SLC24A3: variants seen among roughly 807,000 people sequenced by gnomAD.
SLC24A3 encodes solute carrier family 24 member 3, also known as sodium/potassium/calcium exchanger 3.
In SLC24A3, 28 loss-of-function variants were observed where a neutral mutation model predicts 75.8. The ratio of observed to expected loss-of-function variants is 0.37; its 90% confidence interval spans 0.27 to 0.51. SLC24A3 has a LOEUF of 0.51. Among genes scored for constraint, SLC24A3 ranks in the 20% least tolerant of loss-of-function variants. The pLI, the probability that SLC24A3 is intolerant of heterozygous loss-of-function variation, is 0.94. For synonymous variants in SLC24A3, 372 were observed against 334.1 expected (o/e 1.11, Z -1.24); for missense variants, 663 against 847.8 (o/e 0.78, Z 2.71).
At chr20:19,594,210 G>A (rs942991) in intron 6 of SLC24A3, among the ~76,000 whole-genome samples, 150,304 of 152,308 alleles carry the variant, frequency 0.99, 74,184 homozygotes, top group East Asian at 1. Context: ...CTGTTCCTTC[G>A]ACTGGTGTCC....
At chr20:19,363,933 A>C (rs1318818744) in intron 2 of SLC24A3, among the ~76,000 whole-genome samples, 4 of 152,074 alleles carry the variant, frequency 2.6e-5, no homozygotes, top group African/African-American at 9.7e-5. Flanking sequence ...GTGGGGAGAC[A>C]GACTTGGTCA....
intron 2 of SLC24A3, among the ~76,000 whole-genome samples, chr20:19,440,154 A>C (rs1223974491): frequency 5.3e-5 from 8 of 152,326 alleles, no homozygotes; most frequent in Admixed American, 2.0e-4. Flanking sequence ...ATCTGGGTGA[A>C]TTTAACTTAT....
intron 2 of SLC24A3, among the ~76,000 whole-genome samples, chr20:19,448,888 C>A (rs1214894724): frequency 6.6e-6 from 1 of 152,184 alleles, no homozygotes; most frequent in African/African-American, 2.4e-5. Context: ...GGCTGTAAAG[C>A]CATTTTCTCC....
intron 2 of SLC24A3, among the ~76,000 whole-genome samples, chr20:19,320,779 A>C (rs1416191102): frequency 1.3e-5 from 2 of 152,062 alleles, no homozygotes; most frequent in East Asian, 3.9e-4. Context: ...ATGCTATGTA[A>C]GTAGTTGTTT....
At chr20:19,406,313 T>C (rs1000924503) in intron 2 of SLC24A3, among the ~76,000 whole-genome samples, 1 of 152,110 alleles carries the variant, frequency 6.6e-6, no homozygotes, top group East Asian at 1.9e-4. Flanking sequence ...CACCTAAGAA[T>C]TTTTGTATGT....
At chr20:19,407,730 A>T (rs1052412775) in intron 2 of SLC24A3, among the ~76,000 whole-genome samples, 1 of 152,234 alleles carries the variant, frequency 6.6e-6, no homozygotes, top group Non-Finnish European at 1.5e-5. Flanking sequence ...CCCATTCTCC[A>T]CCATATTGAT....
At chr20:19,701,443 C>T (rs1383722122) in intron 15 of SLC24A3, among the ~76,000 whole-genome samples, 2 of 152,132 alleles carry the variant, frequency 1.3e-5, no homozygotes, top group Non-Finnish European at 2.9e-5. Flanking sequence ...TTACTGGTTC[C>T]TTCAGTAATG....
intron 2 of SLC24A3, among the ~76,000 whole-genome samples, chr20:19,314,447 T>A (rs1420915965): frequency 2.6e-5 from 4 of 151,944 alleles, no homozygotes; most frequent in African/African-American, 9.7e-5. Context: ...CCTGAGTAGC[T>A]GGGGCTACAG....
At chr20:19,260,490 G>A (rs1470810921) in intron 1 of SLC24A3, among the ~76,000 whole-genome samples, 1 of 152,188 alleles carries the variant, frequency 6.6e-6, no homozygotes, top group Non-Finnish European at 1.5e-5. Context: ...TGAGGGTAAG[G>A]TAAGCACTGC....
Position 19,282,196 on chromosome 20 carries a change from T to C in SLC24A3, c.271+1109T>C, listed in dbSNP as rs117179430. ...GATCTATTGGGAAGATGGGTGGGAGTGCCCTTCCCACCATACTTAGACTCT... is the reference window on the plus strand; with the variant it reads ...GATCTATTGGGAAGATGGGTGGGAGCGCCCTTCCCACCATACTTAGACTCT... On this transcript the variant is annotated intron_variant, in intron 2 of 16. Coordinates refer to ENST00000328041, the MANE Select transcript of SLC24A3 (RefSeq NM_020689.4). 2.3e-3 allele frequency among the ~76,000 whole-genome samples: 356 copies of C among 151,934 alleles called. 2 individuals are homozygous for C. The East Asian group carries it at 0.043, about 19-fold the overall frequency.
chr20:19,438,662 A>G (rs1600230298), intron 2 of SLC24A3, among the ~76,000 whole-genome samples: 1 of 142,686 alleles, frequency 7.0e-6, no homozygotes, highest in African/African-American at 2.7e-5. Context: ...ACACCAAGCC[A>G]CTCATTGGCC....
chr20:19,477,728 G>T (rs1379209740), intron 2 of SLC24A3, among the ~76,000 whole-genome samples: 1 of 152,090 alleles, frequency 6.6e-6, no homozygotes, highest in Non-Finnish European at 1.5e-5. Flanking sequence ...TAAGGCAAAT[G>T]GCTTGATTAT....
intron 15 of SLC24A3, among the ~76,000 whole-genome samples, chr20:19,711,791 C>T (rs956626593): frequency 1.3e-5 from 2 of 152,188 alleles, no homozygotes; most frequent in South Asian, 2.1e-4. Context: ...AGGTACGCAT[C>T]GCCATGCCCA....
At chr20:19,322,187 G>A (rs1984722938) in intron 2 of SLC24A3, among the ~76,000 whole-genome samples, 1 of 152,022 alleles carries the variant, frequency 6.6e-6, no homozygotes, top group African/African-American at 2.4e-5. Context: ...TTCCCTCTGT[G>A]GCTTTAGTAT....
intron 2 of SLC24A3, among the ~76,000 whole-genome samples, chr20:19,324,105 A>G (rs1366301647): frequency 1.3e-5 from 2 of 152,178 alleles, no homozygotes; most frequent in African/African-American, 4.8e-5. Context: ...GGTTGCTGCC[A>G]TGATGTGGCC....
intron 1 of SLC24A3, among the ~76,000 whole-genome samples, chr20:19,233,936 T>C (rs1982096356): frequency 6.6e-6 from 1 of 152,244 alleles, no homozygotes. Context: ...AATTTCTCTC[T>C]AATTTGATTA....
At chr20:19,436,479 G>C (rs1446093925) in intron 2 of SLC24A3, among the ~76,000 whole-genome samples, 1 of 152,176 alleles carries the variant, frequency 6.6e-6, no homozygotes, top group Non-Finnish European at 1.5e-5. Context: ...GCTTCTCCAG[G>C]GGATATCTTC....
chr20:19,678,911 C>T (rs1328468301), intron 9 of SLC24A3, among the ~76,000 whole-genome samples: 3 of 150,322 alleles, frequency 2.0e-5, no homozygotes, highest in Non-Finnish European at 4.4e-5. Flanking sequence ...AACGGAGCGG[C>T]GGGGCAAAGG....
At position 19,360,657 on chromosome 20, in the gene SLC24A3, A is replaced by T. The variant is rs189643417; in HGVS notation, c.271+79570A>T. ...CATCTGAACCTGTGAATGTCTACAC[A>T]TAACAACATGCAAATGTTTTGATGT... On this transcript the variant is annotated intron_variant, in intron 2 of 16. Coordinates refer to ENST00000328041, the MANE Select transcript of SLC24A3 (RefSeq NM_020689.4). 1.8e-3 allele frequency among the ~76,000 whole-genome samples: 279 copies of T among 152,374 alleles called. 1 individual carries two copies. The highest frequency in any genetic ancestry group is 3.4e-3 in the Middle Eastern group (1 of 294).
Sources: gnomAD v4.1 joint callset for allele counts (sites outside exome capture counted in the v4.1 genomes callset) on GRCh38, gnomAD v4.1.1 for gene constraint, MANE v1.5 for transcripts, NCBI Gene and HGNC (gene_info 2026-07-23, HGNC 2026-07-21) for gene names.